Variants in GRM7 observed in about 807,000 individuals in gnomAD.
GRM7 encodes metabotropic glutamate receptor 7.
Under a neutral mutation model 84.5 loss-of-function variants are expected in GRM7, and 35 were observed. The ratio of observed to expected loss-of-function variants is 0.41; its 90% CI spans 0.32 to 0.55. The LOEUF (loss-of-function observed/expected upper bound fraction) is 0.55. Ranked by LOEUF, GRM7 falls within the 20% of genes least tolerant of loss-of-function variation. The pLI is 0.19. For missense variants in GRM7, 1,003 were observed against 1,194.6 expected (o/e 0.84, Z 2.36); for synonymous variants, 487 against 455.1 (o/e 1.07, Z -0.89).
rs1480266883 is a variant in GRM7, at chr3:7,284,267, G to A, written c.737-14417G>A. Among the ~76,000 whole-genome samples, 5 of 143,450 alleles carry A rather than the reference G, an allele frequency of 3.5e-5. No individual in the cohort carries two copies. In the Admixed American group the frequency reaches 3.7e-4, roughly 10 times the overall value. The allele number at this position is 143,450 out of a possible 152,430, so 94.1% of individuals were successfully genotyped here. A position where few individuals can be genotyped will look rare whatever the true frequency, so the allele number is the denominator to read the frequency against. On this transcript the variant is annotated intron_variant, in intron 2 of 9. Transcript: ENST00000357716. ...TTGGCTTCAGGAGTTAGGGGTGTGTGGGGTGTGCATGCTCACTCGTGTGTG... is the reference window on the plus strand; with the variant it reads ...TTGGCTTCAGGAGTTAGGGGTGTGTAGGGTGTGCATGCTCACTCGTGTGTG...
intron 2 of GRM7, among the ~76,000 whole-genome samples, chr3:7,172,406 A>C (rs559424691): frequency 2.2e-4 from 33 of 152,222 alleles, no homozygotes; most frequent in Middle Eastern, 3.4e-3. Context: ...TAACTCTGAC[A>C]ATAGCAATCC....
intron 4 of GRM7, among the ~76,000 whole-genome samples, chr3:7,320,322 G>A (rs80178171): frequency 0.11 from 16,423 of 151,890 alleles, 1,013 homozygotes; most frequent in Non-Finnish European, 0.14. Flanking sequence ...AGCCTTTAGC[G>A]ATGAAAACCA....
chr3:7,442,540 C>A (rs748541386), intron 5 of GRM7, among the ~76,000 whole-genome samples: 5 of 152,110 alleles, frequency 3.3e-5, no homozygotes. Context: ...CTGAAATGTC[C>A]TTTCAAATTC....
At chr3:7,701,535 C>T (rs950169208) in intron 9 of GRM7, among the ~76,000 whole-genome samples, 7 of 152,068 alleles carry the variant, frequency 4.6e-5, no homozygotes, top group African/African-American at 9.7e-5. Context: ...GATCTCCTGA[C>T]CTCGTGATCC....
rs971373573 is a variant in GRM7, at chr3:7,410,600, C to T, written c.1034-4423C>T. 4.0e-3 allele frequency among the ~76,000 whole-genome samples: 499 copies of T among 124,992 alleles called. 1 individual carries two copies. The highest frequency in any genetic ancestry group is 7.5e-3 in the Middle Eastern group (2 of 266). 82.0% of individuals were successfully genotyped at this position (124,992 alleles called of 152,430 possible). ...AAAACAAAATATATATATATATATA[C>T]ACACACACACACACACACACACACA... On this transcript the variant is annotated intron_variant, in intron 4 of 9. Coordinates refer to ENST00000357716, the MANE Select transcript of GRM7 (RefSeq NM_000844.4).
At chr3:7,043,306 C>T (rs981014373) in intron 1 of GRM7, among the ~76,000 whole-genome samples, 1 of 152,092 alleles carries the variant, frequency 6.6e-6, no homozygotes, top group Non-Finnish European at 1.5e-5. Context: ...GGCATTCTGC[C>T]CTGTGAACTC....
intron 4 of GRM7, among the ~76,000 whole-genome samples, chr3:7,339,097 G>A (rs1701536866): frequency 6.6e-6 from 1 of 152,032 alleles, no homozygotes; most frequent in South Asian, 2.1e-4. Context: ...TTGGATTAAA[G>A]GATCATGTCC....
chr3:6,957,816 G>A (rs1184269329), intron 1 of GRM7, among the ~76,000 whole-genome samples: 1 of 152,126 alleles, frequency 6.6e-6, no homozygotes, highest in Non-Finnish European at 1.5e-5. Context: ...TATATTTCTG[G>A]TCGACTTGGA....
chr3:7,365,709 G>T (rs1693861053), intron 4 of GRM7, among the ~76,000 whole-genome samples: 1 of 147,264 alleles, frequency 6.8e-6, no homozygotes, highest in Non-Finnish European at 1.5e-5. Context: ...ATATATATGG[G>T]TATATATAAT....
At chr3:7,308,111 G>A (rs1225227657) in intron 4 of GRM7, among the ~76,000 whole-genome samples, 1 of 152,190 alleles carries the variant, frequency 6.6e-6, no homozygotes, top group Admixed American at 6.5e-5. Flanking sequence ...TCATTCTGCA[G>A]CACTGTCCTG....
At chr3:7,660,761 C>A (rs964783604) in intron 8 of GRM7, among the ~76,000 whole-genome samples, 7 of 150,098 alleles carry the variant, frequency 4.7e-5, no homozygotes, top group South Asian at 4.3e-4. Flanking sequence ...GAAATCGGAA[C>A]AACAGAGTAT....
intron 1 of GRM7, among the ~76,000 whole-genome samples, chr3:7,127,295 C>T (rs1043350690): frequency 2.1e-4 from 32 of 152,280 alleles, no homozygotes; most frequent in Non-Finnish European, 8.8e-5. Flanking sequence ...TAACATCTTC[C>T]GCAAGATGAT....
intron 5 of GRM7, among the ~76,000 whole-genome samples, chr3:7,419,189 A>AG (rs1028435898): frequency 7.9e-5 from 12 of 152,270 alleles, no homozygotes; most frequent in African/African-American, 2.9e-4. Context: ...CACACTATAT[A>AG]GGGTGATATA....
chr3:7,054,404 T>C (rs559284568), intron 1 of GRM7, among the ~76,000 whole-genome samples: 1 of 150,726 alleles, frequency 6.6e-6, no homozygotes, highest in Non-Finnish European at 1.5e-5. Context: ...TCATAAAAGA[T>C]AAGATTAAAA....
intron 1 of GRM7, among the ~76,000 whole-genome samples, chr3:7,137,329 C>T (rs1693803830): frequency 6.6e-6 from 1 of 151,826 alleles, no homozygotes; most frequent in East Asian, 1.9e-4. Flanking sequence ...TTTTTTCTAT[C>T]TTGAAAGTAA....
chr3:7,378,694 TATA>T (rs1694459696), intron 4 of GRM7, among the ~76,000 whole-genome samples: 1 of 152,246 alleles, frequency 6.6e-6, no homozygotes, highest in African/African-American at 2.4e-5. Context: ...TAGATATTAA[TATA>T]ATAAAATCTT....
intron 2 of GRM7, among the ~76,000 whole-genome samples, chr3:7,257,270 T>G (rs748816104): frequency 3.5e-4 from 53 of 152,218 alleles, no homozygotes; most frequent in Middle Eastern, 3.2e-3. Context: ...ATGACATCAT[T>G]GTCTACATGT....
Position 7,461,642 on chromosome 3 carries a change from A to C in GRM7, c.1435A>C (p.Ile479Leu). The change falls in exon 7 of 10, where the codon ATC becomes CTC. Residue 479 changes from isoleucine to leucine, a missense_variant. Transcript: ENST00000357716. Reference protein sequence around the residue: ...KNGDAPGRYDIFQYQTTNTSN... With the variant: ...KNGDAPGRYDLFQYQTTNTSN... ...CGGGGATGCACCTGGGCGTTATGAC[A>C]TCTTTCAGTACCAGACCACAAACAC... 6.2e-7 allele frequency: 1 copy of C among 1,613,220 alleles called. No individual in the cohort carries two copies. Among genetic ancestry groups the C allele is most frequent in the African/African-American group, 1.3e-5 (1 of 75,018 alleles).
chr3:7,172,603 C>A (rs1695021877), intron 2 of GRM7, among the ~76,000 whole-genome samples: 1 of 129,102 alleles, frequency 7.7e-6, no homozygotes, highest in Non-Finnish European at 1.6e-5. Flanking sequence ...CCAAAAATGG[C>A]ATCATTGCAC....
Sources: allele counts gnomAD v4.1 joint callset (sites outside exome capture counted in the v4.1 genomes callset), GRCh38; gene constraint gnomAD v4.1.1; transcripts MANE v1.5; gene names NCBI Gene and HGNC (gene_info 2026-07-23, HGNC 2026-07-21).